SNX29: variants seen among roughly 807,000 people sequenced by gnomAD.
The protein encoded by SNX29 is sorting nexin 29, also known as sorting nexin-29.
In SNX29, 78 loss-of-function variants were observed where a neutral mutation model predicts 102.1. The ratio of observed to expected loss-of-function variants is 0.76; its 90% CI spans 0.64 to 0.92. The LOEUF (loss-of-function observed/expected upper bound fraction) is 0.92. SNX29 is among the 40% of genes least tolerant of loss of function. The probability of loss-of-function intolerance (pLI) is 0.00; values close to 1 mark genes in which losing one functional copy is unlikely to be tolerated. For synonymous variants in SNX29, 580 were observed against 414.5 expected, an observed-to-expected ratio of 1.40 and a Z score of -4.85; for missense variants, 1,280 against 1,061.7, an observed-to-expected ratio of 1.21 and a Z score of -2.86.
chr16:12,487,759 A>G (rs1346726252), intron 19 of SNX29, among the ~76,000 whole-genome samples: 1 of 152,220 alleles, frequency 6.6e-6, no homozygotes, highest in Admixed American at 6.5e-5. Flanking sequence ...CTAGGGCTCC[A>G]CAGAGAAATT....
intron 16 of SNX29, among the ~76,000 whole-genome samples, chr16:12,380,263 C>G (rs1426026328): frequency 6.6e-6 from 1 of 151,694 alleles, no homozygotes; most frequent in Non-Finnish European, 1.5e-5. Flanking sequence ...AGGAAGGCCA[C>G]TTACCTGTCC....
At chr16:12,244,186 G>A (rs2078194841) in intron 14 of SNX29, among the ~76,000 whole-genome samples, 1 of 152,196 alleles carries the variant, frequency 6.6e-6, no homozygotes, top group African/African-American at 2.4e-5. Flanking sequence ...CTCCTGCTGT[G>A]TGGCCTGGTT....
chr16:12,006,195 C>T (rs1441617103), intron 3 of SNX29, among the ~76,000 whole-genome samples: 2 of 137,480 alleles, frequency 1.5e-5, no homozygotes, highest in Non-Finnish European at 3.2e-5. Context: ...TAGACAGAGA[C>T]CCTGTCTCTA....
chr16:12,536,040 C>A (rs1201951807), intron 20 of SNX29, among the ~76,000 whole-genome samples: 1 of 152,098 alleles, frequency 6.6e-6, no homozygotes, highest in Non-Finnish European at 1.5e-5. Context: ...ATTTGATTGC[C>A]CATGAGCTGA....
chr16:11,986,268 C>G (rs1025757135), intron 1 of SNX29, among the ~76,000 whole-genome samples: 3 of 151,702 alleles, frequency 2.0e-5, no homozygotes, highest in Non-Finnish European at 4.4e-5. Context: ...CTCTGCTCAC[C>G]CAGGCAGTAC....
intron 1 of SNX29, among the ~76,000 whole-genome samples, chr16:11,997,239 T>C (rs2056108024): frequency 6.6e-6 from 1 of 152,196 alleles, no homozygotes; most frequent in Non-Finnish European, 1.5e-5. Context: ...AAGCTTGTCC[T>C]ACCTCCGAGC....
intron 13 of SNX29, among the ~76,000 whole-genome samples, chr16:12,170,551 T>C (rs4781191): frequency 0.16 from 24,579 of 151,562 alleles, 2,145 homozygotes; most frequent in East Asian, 0.27. Context: ...GGAGGGTAGA[T>C]GGGCTGTTCG....
chr16:12,155,843 C>A (rs1156869522), intron 13 of SNX29, among the ~76,000 whole-genome samples: 2 of 152,182 alleles, frequency 1.3e-5, no homozygotes, highest in East Asian at 3.8e-4. Flanking sequence ...AAGGAAGGGT[C>A]CCATGCTAGA....
intron 20 of SNX29, among the ~76,000 whole-genome samples, chr16:12,565,866 C>G (rs896665321): frequency 6.6e-6 from 1 of 152,220 alleles, no homozygotes; most frequent in Non-Finnish European, 1.5e-5. Flanking sequence ...CCTCTGTGCC[C>G]TGCTCAGAAC....
chr16:12,274,524 T>A (rs1469139493), intron 14 of SNX29, among the ~76,000 whole-genome samples: 1 of 151,920 alleles, frequency 6.6e-6, no homozygotes, highest in African/African-American at 2.4e-5. Context: ...CTTGTAGTTC[T>A]CTATTCTCCC....
intron 18 of SNX29, among the ~76,000 whole-genome samples, chr16:12,474,058 G>T (rs1392554679): frequency 6.6e-6 from 1 of 152,026 alleles, no homozygotes; most frequent in South Asian, 2.1e-4. Flanking sequence ...TTCTCTTGGG[G>T]TCTGGATTGG....
chr16:12,339,090 G>A (rs1356690472), intron 15 of SNX29, among the ~76,000 whole-genome samples: 1 of 152,134 alleles, frequency 6.6e-6, no homozygotes, highest in Non-Finnish European at 1.5e-5. Flanking sequence ...AGTGGCAGCC[G>A]GGCATGGTGG....
At chr16:12,532,725 G>C (rs1013254677) in intron 20 of SNX29, among the ~76,000 whole-genome samples, 2 of 152,206 alleles carry the variant, frequency 1.3e-5, no homozygotes, top group Admixed American at 1.3e-4. Context: ...AGGGCAGGAA[G>C]AGGTGTTGGC....
At chr16:12,201,094 C>T (rs1374590774) in intron 14 of SNX29, among the ~76,000 whole-genome samples, 1 of 152,122 alleles carries the variant, frequency 6.6e-6, no homozygotes, top group East Asian at 1.9e-4. Flanking sequence ...TCAGGATCAG[C>T]TTATTGGTGA....
intron 13 of SNX29, among the ~76,000 whole-genome samples, chr16:12,185,415 A>G (rs1267519998): frequency 6.6e-6 from 1 of 152,068 alleles, no homozygotes; most frequent in Non-Finnish European, 1.5e-5. Flanking sequence ...CCTGAATTTT[A>G]ATTATTTGCA....
intron 20 of SNX29, among the ~76,000 whole-genome samples, chr16:12,549,604 C>T (rs538223582): frequency 4.6e-5 from 7 of 152,314 alleles, no homozygotes; most frequent in South Asian, 4.1e-4. Context: ...TTTTCTACTC[C>T]AGAGTCCTTG....
intron 13 of SNX29, among the ~76,000 whole-genome samples, chr16:12,169,094 C>T (rs117114008): frequency 1.7e-4 from 26 of 152,334 alleles, no homozygotes; most frequent in Non-Finnish European, 2.6e-4. Flanking sequence ...CAGTGTTCTA[C>T]GATAACATTG....
intron 3 of SNX29, among the ~76,000 whole-genome samples, chr16:12,006,285 G>T (rs982432438): frequency 2.0e-5 from 3 of 151,906 alleles, no homozygotes; most frequent in Non-Finnish European, 2.9e-5. Context: ...GGAGGCTGAG[G>T]CGGAAGGATC....
chr16:12,423,472 C>T (rs554981499), intron 18 of SNX29, among the ~76,000 whole-genome samples: 10 of 152,302 alleles, frequency 6.6e-5, no homozygotes, highest in South Asian at 2.1e-4. Flanking sequence ...GCAAACCCTA[C>T]GAGCACAGAG....
Sources: allele counts gnomAD v4.1 joint callset (sites outside exome capture counted in the v4.1 genomes callset), GRCh38; gene constraint gnomAD v4.1.1; transcripts MANE v1.5; gene names NCBI Gene and HGNC (gene_info 2026-07-23, HGNC 2026-07-21).